GALNT10: variants seen among roughly 807,000 people sequenced by gnomAD.
GALNT10 encodes the protein GalNAc transferase 10.
GALNT10 carries 41 observed loss-of-function variants against 75.0 expected under a neutral mutation model. The observed-to-expected ratio is 0.55, with a 90% confidence interval of 0.43 to 0.71. The LOEUF (loss-of-function observed/expected upper bound fraction) is 0.71, where lower values mean the gene tolerates loss of function less well. GALNT10 is among the 30% of genes least tolerant of loss of function. GALNT10 has a pLI of 0.00. For missense variants in GALNT10, 727 were observed against 818.5 expected, an observed-to-expected ratio of 0.89 and a Z score of 1.36; for synonymous variants, 302 against 313.0, an observed-to-expected ratio of 0.96 and a Z score of 0.37.
chr5:154,261,349 C>T (rs1236068061), intron 1 of GALNT10, among the ~76,000 whole-genome samples: 2 of 152,160 alleles, frequency 1.3e-5, no homozygotes, highest in African/African-American at 4.8e-5. Context: ...CCCAGGCTGT[C>T]CACACTGTCC....
intron 1 of GALNT10, among the ~76,000 whole-genome samples, chr5:154,229,689 C>T (rs541289624): frequency 2.6e-5 from 4 of 152,088 alleles, no homozygotes; most frequent in Non-Finnish European, 5.9e-5. Context: ...GCCGAGAATG[C>T]GCCACTGTAC....
intron 4 of GALNT10, among the ~76,000 whole-genome samples, chr5:154,341,543 G>T (rs1755032076): frequency 6.6e-6 from 1 of 152,096 alleles, no homozygotes; most frequent in Non-Finnish European, 1.5e-5. Context: ...AGAACATATG[G>T]TTTAGAATAT....
intron 4 of GALNT10, among the ~76,000 whole-genome samples, chr5:154,335,022 A>G (rs909293032): frequency 1.3e-5 from 2 of 152,194 alleles, no homozygotes; most frequent in Admixed American, 6.5e-5. Context: ...GACACTGCCC[A>G]ATAAACCTCT....
At chr5:154,373,038 T>C (rs1755598989) in intron 4 of GALNT10, among the ~76,000 whole-genome samples, 1 of 152,010 alleles carries the variant, frequency 6.6e-6, no homozygotes, top group African/African-American at 2.4e-5. Flanking sequence ...AGAATAGGGG[T>C]GATGAGTATG....
intron 1 of GALNT10, among the ~76,000 whole-genome samples, chr5:154,199,153 T>A (rs149489430): frequency 6.6e-6 from 1 of 152,334 alleles, no homozygotes; most frequent in Non-Finnish European, 1.5e-5. Flanking sequence ...GGAATGGTTC[T>A]TCTTGAACTT....
At chr5:154,233,423 A>G (rs1753195936) in intron 1 of GALNT10, among the ~76,000 whole-genome samples, 2 of 152,112 alleles carry the variant, frequency 1.3e-5, no homozygotes, top group Admixed American at 1.3e-4. Flanking sequence ...TGTGTGGGAA[A>G]CTCAGCAAAA....
intron 1 of GALNT10, among the ~76,000 whole-genome samples, chr5:154,202,064 A>G (rs918487141): frequency 6.6e-6 from 1 of 152,210 alleles, no homozygotes; most frequent in African/African-American, 2.4e-5. Flanking sequence ...CCATTAAATG[A>G]GAGTGAAGAC....
At chr5:154,387,685 A>G (rs1031560998) in intron 7 of GALNT10, 1 of 152,104 alleles carries the variant, frequency 6.6e-6, no homozygotes, top group East Asian at 1.9e-4. Flanking sequence ...AGAGTTGTTG[A>G]GAGGATTAAG....
In GALNT10 at chr5:154,298,740, T is replaced by C. The variant is rs1387086972; in HGVS notation, c.401+661T>C. On this transcript the variant is annotated intron_variant, in intron 3 of 11. Coordinates refer to ENST00000297107, the MANE Select transcript of GALNT10 (RefSeq NM_198321.4). This position sits in a 1 kb window ranked among gnomAD's most constrained non-coding sequence, Gnocchi z 4.1. ...AAAAACTATACTCTGGACCTTAAGTTATCCTGCCTCCCTGTACATTTTCAG... is the reference window on the plus strand; with the variant it reads ...AAAAACTATACTCTGGACCTTAAGTCATCCTGCCTCCCTGTACATTTTCAG... Among the ~76,000 whole-genome samples the C allele has an allele frequency of 1.3e-5, 2 of 152,202 alleles. No homozygotes were observed. The highest frequency in any genetic ancestry group is 4.8e-5 in the African/African-American group (2 of 41,430).
chr5:154,281,613 C>T (rs1330856229), intron 1 of GALNT10, among the ~76,000 whole-genome samples: 1 of 152,182 alleles, frequency 6.6e-6, no homozygotes, highest in Non-Finnish European at 1.5e-5. Flanking sequence ...CTTTTGGGTC[C>T]TCCTTCAAGG....
chr5:154,296,839 T>G (rs1214512535), intron 2 of GALNT10, among the ~76,000 whole-genome samples: 2 of 152,176 alleles, frequency 1.3e-5, no homozygotes, highest in Non-Finnish European at 2.9e-5. Context: ...TTATCTGTCC[T>G]GGGGTCTAAT....
chr5:154,310,441 GTTTT>G (rs34086082), intron 3 of GALNT10, among the ~76,000 whole-genome samples: 19 of 149,558 alleles, frequency 1.3e-4, no homozygotes, highest in African/African-American at 3.7e-4. Flanking sequence ...GGTTTTTTTT[GTTTT>G]TTTTTTTGTT....
At chr5:154,194,231 A>G (rs1427194114) in intron 1 of GALNT10, among the ~76,000 whole-genome samples, 2 of 152,242 alleles carry the variant, frequency 1.3e-5, no homozygotes, top group Non-Finnish European at 2.9e-5. Context: ...TTAATTTTCA[A>G]GTATCAGGAT....
intron 1 of GALNT10, among the ~76,000 whole-genome samples, chr5:154,275,547 C>A (rs1467747358): frequency 6.6e-6 from 1 of 152,186 alleles, no homozygotes; most frequent in East Asian, 1.9e-4. Context: ...AACAGTCATT[C>A]ATTTCTTCAA....
intron 1 of GALNT10, among the ~76,000 whole-genome samples, chr5:154,223,382 A>G (rs1753011907): frequency 6.6e-6 from 1 of 152,236 alleles, no homozygotes; most frequent in South Asian, 2.1e-4. Flanking sequence ...ACCTGGATTC[A>G]ATCCCAATAC....
intron 1 of GALNT10, among the ~76,000 whole-genome samples, chr5:154,267,844 A>G (rs944568470): frequency 2.6e-5 from 4 of 152,130 alleles, no homozygotes; most frequent in Admixed American, 2.0e-4. Context: ...CACTTTGGGT[A>G]TTTTCCTGCC....
chr5:154,355,950 A>T (rs1295087607), intron 4 of GALNT10, among the ~76,000 whole-genome samples: 2 of 152,310 alleles, frequency 1.3e-5, no homozygotes, highest in South Asian at 2.1e-4. Context: ...TGTACCTCCC[A>T]GCCCCTCCCT....
chr5:154,346,863 T>G (rs1000641377), intron 4 of GALNT10, among the ~76,000 whole-genome samples: 20 of 152,100 alleles, frequency 1.3e-4, no homozygotes, highest in African/African-American at 4.8e-4. Context: ...TGAGTAAAAC[T>G]GGGCTACTTT....
At chr5:154,354,116 G>GTA (rs1182362253) in intron 4 of GALNT10, among the ~76,000 whole-genome samples, 1 of 152,074 alleles carries the variant, frequency 6.6e-6, no homozygotes, top group Non-Finnish European at 1.5e-5. Context: ...GTGCTATAAG[G>GTA]GTGTCACAAG....
Sources: allele counts gnomAD v4.1 joint callset (sites outside exome capture counted in the v4.1 genomes callset), GRCh38; gene constraint gnomAD v4.1.1; non-coding constraint Gnocchi (gnomAD v3.1); transcripts MANE v1.5; gene names NCBI Gene and HGNC (gene_info 2026-07-23, HGNC 2026-07-21).